S100P: variants seen among roughly 807,000 people sequenced by gnomAD.
S100P encodes S100 calcium binding protein P.
S100P carries 7 observed loss-of-function variants against 4.7 expected under a neutral mutation model. The ratio of observed to expected loss-of-function variants is 1.48; its 90% CI spans 0.84 to 2.77. The LOEUF (loss-of-function observed/expected upper bound fraction) is 2.77, where lower values mean the gene tolerates loss of function less well. Ranked by LOEUF, S100P falls within the 30% of genes most tolerant of loss-of-function variation. The pLI, the probability that S100P is intolerant of heterozygous loss-of-function variation, is 0.00. For missense variants in S100P, 122 were observed against 120.6 expected (o/e 1.01, Z -0.06); for synonymous variants, 48 against 49.0 (o/e 0.98, Z 0.08).
intron 1 of S100P, among the ~76,000 whole-genome samples, chr4:6,695,314 A>T (rs989507920): frequency 2.0e-5 from 3 of 152,260 alleles, no homozygotes; most frequent in Admixed American, 1.3e-4. Flanking sequence ...TTTTAAAAAT[A>T]AAGTTCTGTT....
In S100P at chr4:6,696,919, T is replaced by A. The variant is rs746626723; in HGVS notation, c.165T>A (p.Asp55Glu). 1.2e-6 allele frequency: 2 copies of A among 1,613,904 alleles called. No homozygotes were observed. The highest frequency in any genetic ancestry group is 2.7e-5 in the African/African-American group (2 of 74,930). Residue 55 changes from aspartate to glutamate, a missense_variant, in exon 2 of 2, where the codon GAT becomes GAA. Asp to Glu is a conservative substitution (Grantham distance 45, BLOSUM62 2). Coordinates refer to ENST00000296370, the MANE Select transcript of S100P (RefSeq NM_005980.3). ...GTGGAAAAGACAAGGATGCCGTGGA[T>A]AAATTGCTCAAGGACCTGGACGCCA... The part of the protein sequence containing the change: ...LQSGKDKDAV[D>E]KLLKDLDANG...
chr4:6,693,971 CG>C lies in S100P; in HGVS notation c.40del (p.Val14SerfsTer15). On this transcript the variant is annotated frameshift_variant, in exon 1 of 2. Coordinates refer to ENST00000296370, the MANE Select transcript of S100P (RefSeq NM_005980.3). LOFTEE classifies it high-confidence loss of function. ...LETAMGMIIDVFSRYSGSEGS... is the reference protein window; with the variant it reads ...LETAMGMIIDXFSRYSGSEGS... The stretch of plus-strand genomic sequence containing the variant: ...AGACAGCCATGGGCATGATCATAGA[CG>C]TCTTTTCCCGATATTCGGGCAGCGA... 1 of 1,614,160 alleles carries C rather than the reference CG, an allele frequency of 6.2e-7. No individual in the cohort carries two copies. The highest frequency in any genetic ancestry group is 8.5e-7 in the Non-Finnish European group (1 of 1,180,000).
intron 1 of S100P, among the ~76,000 whole-genome samples, chr4:6,694,502 C>A (rs60685700): frequency 1.1e-4 from 16 of 152,242 alleles, no homozygotes; most frequent in African/African-American, 3.9e-4. Flanking sequence ...CCCACTTGCC[C>A]GCTTTCCCTG....
chr4:6,697,081 TC>T lies in S100P; in HGVS notation c.*42del, dbSNP rs756860844. The T allele has an allele frequency of 6.4e-6, 10 of 1,560,064 alleles. No individual in the cohort carries two copies. In the South Asian group the frequency reaches 1.2e-4, roughly 18 times the overall value. ...TCACAGATTCCTGGCAGAGCCATGG[TC>T]CCAGGCTTCCCAAAAGTGTTTGTTG... On this transcript the variant is annotated 3_prime_UTR_variant, in exon 2 of 2. Transcript: ENST00000296370.
Position 6,697,120 on chromosome 4 carries a change from C to A in S100P, c.*78C>A. On this transcript the variant is annotated 3_prime_UTR_variant, in exon 2 of 2. Coordinates refer to ENST00000296370, the MANE Select transcript of S100P (RefSeq NM_005980.3). ...AAAGTGTTTGTTGGCAATTATTCCCCTAGGCTGAGCCTGCTCATGTACCTC... is the reference window on the plus strand; with the variant it reads ...AAAGTGTTTGTTGGCAATTATTCCCATAGGCTGAGCCTGCTCATGTACCTC... 8.3e-7 allele frequency: 1 copy of A among 1,200,432 alleles called. No individual in the cohort carries two copies. Among genetic ancestry groups the A allele is most frequent in the Non-Finnish European group, 1.2e-6 (1 of 838,670 alleles). The allele number at this position is 1,200,432 out of a possible 1,614,324, so 74.4% of individuals were successfully genotyped here. A position where few individuals can be genotyped will look rare whatever the true frequency, so the allele number is the denominator to read the frequency against.
chr4:6,694,508 C>T (rs1314535834), intron 1 of S100P, among the ~76,000 whole-genome samples: 1 of 152,236 alleles, frequency 6.6e-6, no homozygotes, highest in African/African-American at 2.4e-5. Context: ...TGCCCGCTTT[C>T]CCTGCTCCCA....
rs747561018 is a variant in S100P, at chr4:6,694,037, G to C, written c.105G>C (p.Val35=). 1.1e-5 allele frequency: 17 copies of C among 1,613,686 alleles called. No individual in the cohort carries two copies. Among genetic ancestry groups the C allele is most frequent in the Non-Finnish European group, 1.4e-5 (17 of 1,179,808 alleles). ...TQTLTKGELK[V]LMEKELPGFL... is the part of the protein sequence containing the mutation. ...CCCTGACCAAGGGGGAGCTCAAGGT[G>C]CTGATGGAGAAGGAGCTACCAGGCT... is the stretch of plus-strand genomic sequence containing the variant. The change falls in exon 1 of 2, where the codon GTG becomes GTC. Residue 35 remains valine (V), a synonymous_variant. Coordinates refer to ENST00000296370, the MANE Select transcript of S100P (RefSeq NM_005980.3).
At chr4:6,696,435 C>G (rs1240552720) in intron 1 of S100P, among the ~76,000 whole-genome samples, 1 of 152,190 alleles carries the variant, frequency 6.6e-6, no homozygotes, top group Non-Finnish European at 1.5e-5. Context: ...AGGGCGATGC[C>G]TCTGCCGTGT....
Position 6,696,941 on chromosome 4 carries a change from G to T in S100P, c.187G>T (p.Ala63Ser). The T allele has an allele frequency of 6.2e-7, 1 of 1,613,712 alleles. No homozygotes were observed. Among genetic ancestry groups the T allele is most frequent in the Non-Finnish European group, 8.5e-7 (1 of 1,179,596 alleles). ...GGATAAATTGCTCAAGGACCTGGAC[G>T]CCAATGGAGATGCCCAGGTGGACTT... ...AVDKLLKDLDANGDAQVDFSE... is the reference protein window; with the variant it reads ...AVDKLLKDLDSNGDAQVDFSE... The change falls in exon 2 of 2, where the codon GCC (alanine) becomes TCC (serine). Residue 63 changes from alanine to serine, a missense_variant. Transcript: ENST00000296370.
At chr4:6,695,743 C>T (rs1714357830) in intron 1 of S100P, among the ~76,000 whole-genome samples, 1 of 152,214 alleles carries the variant, frequency 6.6e-6, no homozygotes. Context: ...TCTCAGCCCT[C>T]CCTCCGGAGG....
At chr4:6,695,712 C>T (rs1237642408) in intron 1 of S100P, among the ~76,000 whole-genome samples, 3 of 152,200 alleles carry the variant, frequency 2.0e-5, no homozygotes, top group African/African-American at 7.2e-5. Flanking sequence ...AGAATCACCT[C>T]GGGGAGGCCC....
At chr4:6,696,484 A>G (rs1416770665) in intron 1 of S100P, among the ~76,000 whole-genome samples, 2 of 152,200 alleles carry the variant, frequency 1.3e-5, no homozygotes, top group African/African-American at 2.4e-5. Context: ...GTAAGCAGCT[A>G]GTTCAGTGCC....
At chr4:6,694,169 A>G in intron 1 of S100P, 99 bp downstream of exon 1, 9 of 1,132,148 alleles carry the variant, frequency 7.9e-6, no homozygotes, top group Non-Finnish European at 1.1e-5. Flanking sequence ...TCGGCGGTCA[A>G]GGGGCTCAGA....
chr4:6,695,306 T>C (rs1577322998), intron 1 of S100P, among the ~76,000 whole-genome samples: 1 of 152,322 alleles, frequency 6.6e-6, no homozygotes, highest in South Asian at 2.1e-4. Context: ...AAGATATCTT[T>C]TAAAAATAAA....
intron 1 of S100P, among the ~76,000 whole-genome samples, chr4:6,696,499 C>CT (rs1354859608): frequency 6.6e-6 from 1 of 152,176 alleles, no homozygotes; most frequent in Non-Finnish European, 1.5e-5. Context: ...AGTGCCAGCA[C>CT]GAGATGGGAG....
intron 1 of S100P, 30 bp downstream of exon 1, chr4:6,694,100 C>A (rs376830218): frequency 6.3e-7 from 1 of 1,576,832 alleles, no homozygotes; most frequent in South Asian, 1.2e-5. Flanking sequence ...CTGGACTCAG[C>A]GGGGGCTGGG....
chr4:6,693,905 G>A lies in S100P; in HGVS notation c.-28G>A. 1.2e-6 allele frequency: 2 copies of A among 1,614,016 alleles called. No individual in the cohort carries two copies. The highest frequency in any genetic ancestry group is 1.7e-6 in the Non-Finnish European group (2 of 1,179,954). ...ATTTTCTCGGCCCTGCCAGCCCCCA[G>A]GAGGAAGGTGGGTCTGAATCTAGCA... On this transcript the variant is annotated 5_prime_UTR_variant, in exon 1 of 2. Transcript: ENST00000296370.
At chr4:6,695,625 G>A (rs552540962) in intron 1 of S100P, among the ~76,000 whole-genome samples, 37 of 152,336 alleles carry the variant, frequency 2.4e-4, no homozygotes, top group African/African-American at 7.7e-4. Context: ...GGTGTGGGGA[G>A]GGGCAGGCAC....
At position 6,697,162 on chromosome 4, in the gene S100P, A is replaced by G. The variant is rs1280023501; in HGVS notation, c.*120A>G. The stretch of plus-strand genomic sequence containing the variant: ...ATGTACCTCTGATTAATAAATGCTT[A>G]TGAAATGATCCTGGTCTCAGAGAAA... On this transcript the variant is annotated 3_prime_UTR_variant, in exon 2 of 2. Transcript: ENST00000296370. 2.6e-6 allele frequency: 2 copies of G among 772,830 alleles called. No homozygotes were observed. The highest frequency in any genetic ancestry group is 5.3e-5 in the East Asian group (2 of 38,024). 47.9% of individuals were successfully genotyped at this position (772,830 alleles called of 1,614,324 possible).
Sources: allele counts gnomAD v4.1 joint callset (sites outside exome capture counted in the v4.1 genomes callset), GRCh38; gene constraint gnomAD v4.1.1; transcripts MANE v1.5; gene names NCBI Gene and HGNC (gene_info 2026-07-23, HGNC 2026-07-21).